NEBL: variants seen among roughly 807,000 people sequenced by gnomAD.
NEBL encodes the protein nebulette.
Under a neutral mutation model 140.2 loss-of-function variants are expected in NEBL, and 122 were observed. The observed-to-expected ratio is 0.87, with a 90% confidence interval of 0.75 to 1.01. The LOEUF is 1.01. Among genes scored for constraint, NEBL ranks in the 50% least tolerant of loss-of-function variants. NEBL has a pLI of 0.00. For synonymous variants in NEBL, 436 were observed against 398.9 expected (o/e 1.09, Z -1.11); for missense variants, 1,365 against 1,231.3 (o/e 1.11, Z -1.62).
At chr10:21,113,182 C>A in intron 2 of NEBL, 1 of 290,116 alleles carries the variant, frequency 3.4e-6, no homozygotes, top group Non-Finnish European at 6.5e-6. Flanking sequence ...GAAAAAGTGC[C>A]AGTGAAGAAA....
intron 9 of NEBL, among the ~76,000 whole-genome samples, chr10:20,854,750 A>C (rs369639481): frequency 1.2e-4 from 18 of 151,260 alleles, no homozygotes; most frequent in African/African-American, 4.1e-4. Context: ...TTTTTTGTGG[A>C]GCTAGGGTCC....
At chr10:20,847,762 T>G (rs1376444329) in intron 11 of NEBL, among the ~76,000 whole-genome samples, 1 of 152,212 alleles carries the variant, frequency 6.6e-6, no homozygotes, top group Non-Finnish European at 1.5e-5. Flanking sequence ...GTTAACAGCT[T>G]CATACTGTCT....
chr10:21,174,702 G>A (rs1373674257), upstream of NEBL: 1 of 152,204 alleles, frequency 6.6e-6, no homozygotes, highest in East Asian at 1.9e-4. Context: ...TCCCAGAGGG[G>A]CCGAGGGTTG....
chr10:20,810,891 G>A (rs1304796517), intron 24 of NEBL, among the ~76,000 whole-genome samples: 1 of 152,186 alleles, frequency 6.6e-6, no homozygotes, highest in Non-Finnish European at 1.5e-5. Flanking sequence ...ATTAATTTAA[G>A]TTTCATACAT....
chr10:20,812,722 T>C (rs759848693), intron 24 of NEBL, 47 bp downstream of exon 24: 47 of 1,607,746 alleles, frequency 2.9e-5, no homozygotes, highest in East Asian at 1.8e-4. Flanking sequence ...AGAGCAAGCA[T>C]GATCTTTTCG....
intron 2 of NEBL, among the ~76,000 whole-genome samples, chr10:21,120,095 G>A (rs1426268110): frequency 6.6e-6 from 1 of 151,860 alleles, no homozygotes; most frequent in Non-Finnish European, 1.5e-5. Flanking sequence ...ATTTAGCCAG[G>A]CACAGTGGCT....
chr10:20,863,044 T>C (rs976650052), intron 7 of NEBL, among the ~76,000 whole-genome samples: 26 of 152,148 alleles, frequency 1.7e-4, no homozygotes, highest in African/African-American at 6.0e-4. Context: ...CTAGATGTTT[T>C]TTAAAGAATT....
intron 4 of NEBL, among the ~76,000 whole-genome samples, chr10:20,934,522 T>C (rs1265499215): frequency 1.3e-5 from 2 of 152,152 alleles, no homozygotes; most frequent in African/African-American, 4.8e-5. Context: ...CGTGCATGAC[T>C]TCCAGACTGA....
intron 1 of NEBL, among the ~76,000 whole-genome samples, chr10:21,254,088 TG>T (rs1268672925): frequency 6.6e-6 from 1 of 152,226 alleles, no homozygotes; most frequent in Non-Finnish European, 1.5e-5. Context: ...ATAATATGGA[TG>T]GATTTCTAAT....
At chr10:20,789,876 T>TAC (rs1320261846) in intron 26 of NEBL, among the ~76,000 whole-genome samples, 12 of 147,158 alleles carry the variant, frequency 8.2e-5, no homozygotes, top group African/African-American at 1.8e-4. Flanking sequence ...TACATACACA[T>TAC]ACACACACAC....
intron 1 of NEBL, among the ~76,000 whole-genome samples, chr10:21,255,259 G>A (rs1842641994): frequency 6.6e-6 from 1 of 152,066 alleles, no homozygotes; most frequent in Non-Finnish European, 1.5e-5. Context: ...GGCCAGATAT[G>A]AGAAGCAGCT....
intron 3 of NEBL, among the ~76,000 whole-genome samples, chr10:21,201,918 T>C (rs1312564486): frequency 6.6e-6 from 1 of 152,218 alleles, no homozygotes; most frequent in Admixed American, 6.5e-5. Flanking sequence ...GATTTCTTTT[T>C]TCATGTAGAT....
At chr10:21,279,413 A>C (rs1005225802) in intron 1 of NEBL, among the ~76,000 whole-genome samples, 1 of 150,420 alleles carries the variant, frequency 6.6e-6, no homozygotes, top group African/African-American at 2.5e-5. Context: ...CTCCCGCCTC[A>C]GCCTACTAAA....
intron 5 of NEBL, among the ~76,000 whole-genome samples, chr10:20,875,357 A>G (rs959357563): frequency 7.9e-5 from 12 of 152,172 alleles, no homozygotes; most frequent in Non-Finnish European, 1.5e-5. Flanking sequence ...ACTGGGCTAC[A>G]TCAACACTCC....
intron 4 of NEBL, among the ~76,000 whole-genome samples, chr10:20,915,208 C>T (rs7920752): frequency 0.56 from 85,410 of 151,778 alleles, 24,869 homozygotes; most frequent in Non-Finnish European, 0.63. Flanking sequence ...CCAACAAATA[C>T]TTGTTAGACA....
chr10:21,268,932 G>C (rs1842829774), intron 1 of NEBL, among the ~76,000 whole-genome samples: 1 of 152,086 alleles, frequency 6.6e-6, no homozygotes, highest in Non-Finnish European at 1.5e-5. Flanking sequence ...AAAACATCCA[G>C]AGCAGTGTGT....
intron 14 of NEBL, among the ~76,000 whole-genome samples, chr10:20,833,184 G>A (rs1357101400): frequency 2.6e-5 from 4 of 152,152 alleles, no homozygotes; most frequent in Non-Finnish European, 5.9e-5. Context: ...AAACAACATG[G>A]CGGCATCTAC....
At position 20,831,245 on chromosome 10, in the gene NEBL, T is replaced by C. The variant is rs765290650; in HGVS notation, c.1622A>G (p.Asp541Gly). 4 of 1,613,634 alleles carry C rather than the reference T, an allele frequency of 2.5e-6. No individual in the cohort carries two copies. The Admixed American group carries it at 5.0e-5, about 20-fold the overall frequency. The part of the protein sequence containing the change: ...IKGKGMQVSM[D>G]IPDILRAKRT... ...CTTGGCTCGAAGGATATCTGGGATA[T>C]CCATGCTCACTTGCATTCCTTTCCC... is the stretch of plus-strand genomic sequence containing the variant. Residue 541 changes from aspartate (D) to glycine (G), a missense_variant, in exon 16 of 28, where the codon GAT becomes GGT. Coordinates refer to ENST00000377122, the MANE Select transcript of NEBL (RefSeq NM_006393.3).
At chr10:21,089,889 G>A (rs546713271) in intron 2 of NEBL, among the ~76,000 whole-genome samples, 1 of 152,298 alleles carries the variant, frequency 6.6e-6, no homozygotes, top group Admixed American at 6.5e-5. Context: ...TTACCCATTT[G>A]TAGCACTGTG....
Sources: allele counts gnomAD v4.1 joint callset (sites outside exome capture counted in the v4.1 genomes callset), GRCh38; gene constraint gnomAD v4.1.1; transcripts MANE v1.5; gene names NCBI Gene and HGNC (gene_info 2026-07-23, HGNC 2026-07-21).